CFAP69: variants seen among roughly 807,000 people sequenced by gnomAD.
CFAP69 encodes the protein cilia- and flagella-associated protein 69.
Under a neutral mutation model 123.0 loss-of-function variants are expected in CFAP69, and 92 were observed. The observed-to-expected ratio is 0.75, with a 90% CI of 0.63 to 0.89. CFAP69 has a LOEUF of 0.89. CFAP69 is among the 40% of genes least tolerant of loss of function. The probability of loss-of-function intolerance (pLI) is 0.00; values close to 1 mark genes in which losing one functional copy is unlikely to be tolerated. For synonymous variants in CFAP69, 380 were observed against 364.3 expected (o/e 1.04, Z -0.49); for missense variants, 1,067 against 1,096.9 (o/e 0.97, Z 0.39).
intron 3 of CFAP69, among the ~76,000 whole-genome samples, chr7:90,261,306 C>G (rs1164611721): frequency 6.6e-6 from 1 of 152,142 alleles, no homozygotes; most frequent in Non-Finnish European, 1.5e-5. Flanking sequence ...AACTCCTGAC[C>G]TCGTGATCCA....
chr7:90,282,964 A>G lies in CFAP69; in HGVS notation c.1445A>G (p.Tyr482Cys). ...GRGNKFAQMR[Y>C]SLRLLRAVVY... Reference sequence around the variant, plus strand: ...GGCAACAAGTTTGCCCAGATGCGTTACAGTTTAAGACTCCTGAGAGCCGTG... The same window carrying G: ...GGCAACAAGTTTGCCCAGATGCGTTGCAGTTTAAGACTCCTGAGAGCCGTG... The change falls in exon 13 of 23, where the codon TAC becomes TGC. Residue 482 changes from tyrosine to cysteine, a missense_variant. Coordinates refer to ENST00000389297, the MANE Select transcript of CFAP69 (RefSeq NM_001039706.3). The G allele has an allele frequency of 1.9e-6, 3 of 1,600,294 alleles. No individual in the cohort carries two copies. The highest frequency in any genetic ancestry group is 4.6e-5 in the East Asian group (2 of 43,860).
At chr7:90,304,921 CTGTAT>C in intron 19 of CFAP69, 101 bp downstream of exon 19, 1 of 861,518 alleles carries the variant, frequency 1.2e-6, no homozygotes, top group Non-Finnish European at 1.7e-6. Flanking sequence ...CATCTACATA[CTGTAT>C]AGTTTTTATT....
At chr7:90,262,177 A>G in intron 4 of CFAP69, 121 bp downstream of exon 4, 5 of 590,706 alleles carry the variant, frequency 8.5e-6, no homozygotes, top group Non-Finnish European at 1.2e-5. Context: ...AGAAAACTTC[A>G]GTTCATCACT....
chr7:90,251,100 C>T (rs1275004603), intron 1 of CFAP69, among the ~76,000 whole-genome samples: 1 of 152,102 alleles, frequency 6.6e-6, no homozygotes, highest in Non-Finnish European at 1.5e-5. Context: ...ATGATCTTTT[C>T]ATAATTAAAT....
At chr7:90,286,568 A>T in intron 14 of CFAP69, 169 bp downstream of exon 14, 1 of 563,250 alleles carries the variant, frequency 1.8e-6, no homozygotes, top group South Asian at 2.7e-5. Flanking sequence ...AACAGTATAC[A>T]CCCATTTAAC....
chr7:90,307,199 T>C (rs1793735309), intron 20 of CFAP69, 101 bp downstream of exon 20: 6 of 766,880 alleles, frequency 7.8e-6, no homozygotes, highest in Non-Finnish European at 1.1e-5. Flanking sequence ...AATAGCACAG[T>C]AGGACAACTA....
At chr7:90,323,138 A>C in the CFAP69 span, among the ~76,000 whole-genome samples, 513 of 152,334 alleles carry the variant, frequency 3.4e-3, 2 homozygotes, top group Non-Finnish European at 4.4e-3. Context: ...TATCTGTTTA[A>C]TCTGAAAGTG....
intron 15 of CFAP69, among the ~76,000 whole-genome samples, chr7:90,288,720 C>T (rs1305623280): frequency 6.6e-6 from 1 of 152,038 alleles, no homozygotes; most frequent in East Asian, 1.9e-4. Context: ...CTTGCAGTAC[C>T]AGTTGCTGTG....
At chr7:90,297,372 G>C (rs1792141258) in intron 15 of CFAP69, among the ~76,000 whole-genome samples, 1 of 152,104 alleles carries the variant, frequency 6.6e-6, no homozygotes, top group Non-Finnish European at 1.5e-5. Context: ...TCGTTCAGTT[G>C]GTTGGGGGGC....
In CFAP69 at chr7:90,311,043, A is replaced by T. The variant is rs1794282749; in HGVS notation, c.*805A>T. ...CAGCTGGTTTTACTCTTAATATATA[A>T]ATATACAAAGCAAACTCTAATGCTA... On this transcript the variant is annotated 3_prime_UTR_variant, in exon 23 of 23. Transcript: ENST00000389297. 1 of 152,316 alleles carries T rather than the reference A, an allele frequency of 6.6e-6. No homozygotes were observed. Among genetic ancestry groups the T allele is most frequent in the East Asian group, 1.9e-4 (1 of 5,194 alleles). 9.4% of individuals were successfully genotyped at this position (152,316 alleles called of 1,614,324 possible).
chr7:90,303,881 T>A (rs991423222), intron 17 of CFAP69, 88 bp from the exon 18 acceptor site: 120 of 1,368,662 alleles, frequency 8.8e-5, no homozygotes, highest in Non-Finnish European at 1.1e-4. Context: ...ATATTTTATG[T>A]TATCTAGACT....
At chr7:90,288,552 A>G (rs1790639907) in intron 15 of CFAP69, among the ~76,000 whole-genome samples, 200 bp downstream of exon 15, 1 of 152,196 alleles carries the variant, frequency 6.6e-6, no homozygotes, top group South Asian at 2.1e-4. Flanking sequence ...TACAAACTGT[A>G]TGTCATATTA....
intron 3 of CFAP69, 47 bp downstream of exon 3, chr7:90,258,210 G>A (rs17863052): frequency 0.036 from 48,411 of 1,327,336 alleles, 1,281 homozygotes; most frequent in Middle Eastern, 0.096. Context: ...ATTCTGAAAT[G>A]AGAATTTCTT....
intron 15 of CFAP69, among the ~76,000 whole-genome samples, chr7:90,293,037 TACA>T (rs1584495002): frequency 6.6e-6 from 1 of 152,214 alleles, no homozygotes; most frequent in East Asian, 1.9e-4. Context: ...CTCAGTGGCA[TACA>T]ACGATTTTAT....
rs151237950 is a variant in CFAP69, at chr7:90,294,972, G to A, written c.1776-2777G>A. On this transcript the variant is annotated intron_variant, in intron 15 of 22. Transcript: ENST00000389297. Reference sequence around the variant, plus strand: ...GCTCAGGGAGGCCAGAGAAAGACCTGCCCATTGGTGCCAACACTGAATCAA... The same window carrying A: ...GCTCAGGGAGGCCAGAGAAAGACCTACCCATTGGTGCCAACACTGAATCAA... Among the ~76,000 whole-genome samples, 17 of 152,256 alleles carry A rather than the reference G, an allele frequency of 1.1e-4. No homozygotes were observed. In the East Asian group the frequency reaches 3.1e-3, roughly 28 times the overall value.
At chr7:90,281,754 T>C (rs1482746387) in intron 12 of CFAP69, among the ~76,000 whole-genome samples, 1 of 152,190 alleles carries the variant, frequency 6.6e-6, no homozygotes, top group East Asian at 1.9e-4. Flanking sequence ...AAAAGATCGA[T>C]GCATTTAACT....
At chr7:90,245,881 CA>C (rs1372856132) in intron 1 of CFAP69, among the ~76,000 whole-genome samples, 1 of 152,134 alleles carries the variant, frequency 6.6e-6, no homozygotes, top group Non-Finnish European at 1.5e-5. Flanking sequence ...TCATTCTTAG[CA>C]AAATCTTGAT....
Position 90,245,394 on chromosome 7 carries a change from C to A in CFAP69, c.-31C>A, listed in dbSNP as rs371179843. The A allele has an allele frequency of 1.4e-5, 21 of 1,515,560 alleles. No individual in the cohort carries two copies. Among genetic ancestry groups the A allele is most frequent in the Admixed American group, 2.2e-5 (1 of 45,374 alleles). 93.9% of individuals were successfully genotyped at this position (1,515,560 alleles called of 1,614,324 possible). ...CGGGCGCACTGTAGGACAGGAAGAT[C>A]CCCCCACTCTCCACCCCGCCGCCAC... On this transcript the variant is annotated 5_prime_UTR_variant, in exon 1 of 23. Transcript: ENST00000389297.
chr7:90,281,721 G>T (rs954649000), intron 12 of CFAP69, among the ~76,000 whole-genome samples: 2 of 152,138 alleles, frequency 1.3e-5, no homozygotes, highest in Non-Finnish European at 2.9e-5. Context: ...TCTTTAAAAA[G>T]ACTCATGAGT....
Sources: gnomAD v4.1 joint callset for allele counts (sites outside exome capture counted in the v4.1 genomes callset) on GRCh38, gnomAD v4.1.1 for gene constraint, MANE v1.5 for transcripts, NCBI Gene and HGNC (gene_info 2026-07-23, HGNC 2026-07-21) for gene names.